ADAMTS6: variants seen among roughly 807,000 people sequenced by gnomAD.
The protein encoded by ADAMTS6 is ADAM metallopeptidase with thrombospondin type 1 motif 6, also known as A disintegrin and metalloproteinase with thrombospondin motifs 6.
ADAMTS6 carries 23 observed loss-of-function variants against 144.3 expected under a neutral mutation model. The ratio of observed to expected loss-of-function variants is 0.16; its 90% CI spans 0.11 to 0.23. The LOEUF is 0.23. ADAMTS6 is among the 10% of genes least tolerant of loss of function. ADAMTS6 has a pLI of 1.00. For synonymous variants in ADAMTS6, 444 were observed against 457.5 expected, an observed-to-expected ratio of 0.97 and a Z score of 0.38; for missense variants, 999 against 1,379.6, an observed-to-expected ratio of 0.72 and a Z score of 4.37.
chr5:65,426,049 A>C (rs1756492732), intron 7 of ADAMTS6, among the ~76,000 whole-genome samples: 1 of 136,584 alleles, frequency 7.3e-6, no homozygotes. Context: ...CCGCACACAG[A>C]CTTTTTTTTT....
intron 1 of ADAMTS6, among the ~76,000 whole-genome samples, chr5:65,474,796 CAAAAAA>C (rs11330695): frequency 2.5e-5 from 2 of 78,866 alleles, no homozygotes; most frequent in South Asian, 5.0e-4. Flanking sequence ...AAACTGTGAC[CAAAAAA>C]AAAAAAAAAA....
At chr5:65,248,931 ATAC>A (rs1234422402) in intron 14 of ADAMTS6, among the ~76,000 whole-genome samples, 1 of 151,172 alleles carries the variant, frequency 6.6e-6, no homozygotes, top group Non-Finnish European at 1.5e-5. Context: ...ATAAATATAT[ATAC>A]AATACATCAT....
At chr5:65,434,932 T>C (rs1290948796) in intron 7 of ADAMTS6, among the ~76,000 whole-genome samples, 1 of 152,178 alleles carries the variant, frequency 6.6e-6, no homozygotes, top group Non-Finnish European at 1.5e-5. Flanking sequence ...AAGATGCAGA[T>C]TGCAGCATCG....
In ADAMTS6 at chr5:65,214,375, C is replaced by T. The variant is rs184071259; in HGVS notation, c.2575+419G>A. The T allele has an allele frequency of 3.9e-5, 13 of 329,606 alleles. No individual in the cohort carries two copies. In the East Asian group the frequency reaches 1.1e-3, roughly 27 times the overall value. The allele number at this position is 329,606 out of a possible 1,614,324, so 20.4% of individuals were successfully genotyped here. On this transcript the variant is annotated intron_variant, in intron 20 of 24. Coordinates refer to ENST00000381055, the MANE Select transcript of ADAMTS6 (RefSeq NM_197941.4). This position sits in a 1 kb window ranked among gnomAD's most constrained non-coding sequence, Gnocchi z 4.6. ...AATAGGATTGTGGCAAACACACAGGCACACAAACACACACAACAAGCACAC... is the reference window on the plus strand; with the variant it reads ...AATAGGATTGTGGCAAACACACAGGTACACAAACACACACAACAAGCACAC...
At chr5:65,299,302 G>A (rs1309782612) in intron 10 of ADAMTS6, among the ~76,000 whole-genome samples, 1 of 152,040 alleles carries the variant, frequency 6.6e-6, no homozygotes, top group African/African-American at 2.4e-5. Flanking sequence ...AAAAGTTAAG[G>A]AACACGCACT....
At chr5:65,292,529 C>T (rs1742423074) in intron 10 of ADAMTS6, among the ~76,000 whole-genome samples, 1 of 151,870 alleles carries the variant, frequency 6.6e-6, no homozygotes, top group Non-Finnish European at 1.5e-5. Context: ...ATAACAATGA[C>T]TTTGCTATTC....
chr5:65,185,239 C>T (rs1257787603), intron 22 of ADAMTS6, among the ~76,000 whole-genome samples: 1 of 152,112 alleles, frequency 6.6e-6, no homozygotes, highest in Non-Finnish European at 1.5e-5. Context: ...TATTGTTAAC[C>T]CATCTAGGGA....
At chr5:65,460,795 C>T (rs1759590732) in intron 3 of ADAMTS6, among the ~76,000 whole-genome samples, 1 of 152,168 alleles carries the variant, frequency 6.6e-6, no homozygotes, top group Admixed American at 6.5e-5. Flanking sequence ...TACTCTCTTT[C>T]CCCACTGAAC....
rs917745641 is a variant in ADAMTS6 at position 65,215,559 on chromosome 5, C to T, written c.2273-72G>A. On this transcript the variant is annotated intron_variant, in intron 18 of 24. Coordinates refer to ENST00000381055, the MANE Select transcript of ADAMTS6 (RefSeq NM_197941.4). ...CCAAAGTGTCACTGATTAATTACTG[C>T]AATAAAGTATACAATGAATACCGAT... The T allele has an allele frequency of 6.7e-6, 9 of 1,345,238 alleles. No individual in the cohort carries two copies. In the African/African-American group the frequency reaches 1.2e-4, roughly 17 times the overall value. 83.3% of individuals were successfully genotyped at this position (1,345,238 alleles called of 1,614,324 possible).
intron 11 of ADAMTS6, among the ~76,000 whole-genome samples, chr5:65,277,563 G>T (rs1487718806): frequency 6.9e-6 from 1 of 145,254 alleles, no homozygotes; most frequent in East Asian, 2.0e-4. Context: ...AGACTGGACA[G>T]TTTTTTTTTT....
intron 7 of ADAMTS6, among the ~76,000 whole-genome samples, chr5:65,439,094 A>T (rs1757672145): frequency 6.6e-6 from 1 of 152,100 alleles, no homozygotes; most frequent in Non-Finnish European, 1.5e-5. Context: ...AGTGACGGAA[A>T]ATCCCAAAAA....
intron 20 of ADAMTS6, among the ~76,000 whole-genome samples, chr5:65,200,264 A>G (rs922909593): frequency 1.3e-5 from 2 of 152,194 alleles, no homozygotes; most frequent in African/African-American, 4.8e-5. Context: ...ATCTAAATGA[A>G]TGGATTTTTA....
intron 7 of ADAMTS6, among the ~76,000 whole-genome samples, chr5:65,336,301 T>A (rs1210391354): frequency 2.0e-5 from 3 of 152,116 alleles, no homozygotes; most frequent in Non-Finnish European, 2.9e-5. Flanking sequence ...GCTATGCCTG[T>A]CTCTGATGAT....
intron 9 of ADAMTS6, among the ~76,000 whole-genome samples, chr5:65,300,374 C>T (rs937371038): frequency 1.3e-5 from 2 of 152,162 alleles, no homozygotes; most frequent in African/African-American, 2.4e-5. Context: ...TGTTATCGCA[C>T]GTTTCAATTT....
intron 19 of ADAMTS6, 62 bp downstream of exon 19, chr5:65,215,262 C>T (rs777068078): frequency 6.5e-7 from 1 of 1,539,226 alleles, no homozygotes; most frequent in Non-Finnish European, 8.8e-7. Context: ...AAAACCTGCC[C>T]CTTCCTACCT....
chr5:65,429,980 A>G (rs575765245), intron 7 of ADAMTS6, among the ~76,000 whole-genome samples: 1 of 152,144 alleles, frequency 6.6e-6, no homozygotes, highest in Non-Finnish European at 1.5e-5. Context: ...TTTTAAAATT[A>G]TATTTACTAA....
At position 65,291,340 on chromosome 5, in the gene ADAMTS6, A is replaced by G; in HGVS notation, c.1501T>C (p.Cys501Arg). The G allele has an allele frequency of 6.2e-7, 1 of 1,613,358 alleles. No homozygotes were observed. The highest frequency in any genetic ancestry group is 8.5e-7 in the Non-Finnish European group (1 of 1,179,652). The change falls in exon 11 of 25, where the codon TGT becomes CGT. Residue 501 changes from cysteine (C) to arginine (R), a missense_variant. By Grantham distance (180) the Cys-to-Arg change is radical (BLOSUM62 -3). Coordinates refer to ENST00000381055, the MANE Select transcript of ADAMTS6 (RefSeq NM_197941.4). ...RFQYGATSRQ[C>R]KYGEVCRELW... is the part of the protein sequence containing the mutation. ...TGAAGACTTCTTACCCCATATTTAC[A>G]TTGGCGGGAGGTTGCTCCATACTGG... is the stretch of plus-strand genomic sequence containing the variant.
At chr5:65,401,140 A>C (rs993932353) in intron 7 of ADAMTS6, among the ~76,000 whole-genome samples, 5 of 152,194 alleles carry the variant, frequency 3.3e-5, no homozygotes, top group Non-Finnish European at 7.3e-5. Context: ...GGGTAAAAGC[A>C]ATAGCTGTAA....
intron 14 of ADAMTS6, among the ~76,000 whole-genome samples, chr5:65,249,026 T>C (rs754350118): frequency 5.9e-5 from 9 of 152,000 alleles, no homozygotes; most frequent in Admixed American, 3.9e-4. Context: ...TGTGTGTGTG[T>C]GCGCGCATGT....
Sources: gnomAD v4.1 joint callset for allele counts (sites outside exome capture counted in the v4.1 genomes callset) on GRCh38, gnomAD v4.1.1 for gene constraint, Gnocchi (gnomAD v3.1) non-coding constraint, MANE v1.5 for transcripts, NCBI Gene and HGNC (gene_info 2026-07-23, HGNC 2026-07-21) for gene names.